PLA2G4E: variants seen among roughly 807,000 people sequenced by gnomAD.
PLA2G4E encodes the protein cytosolic phospholipase A2 epsilon.
Under a neutral mutation model 109.1 loss-of-function variants are expected in PLA2G4E, and 84 were observed. The observed-to-expected ratio is 0.77, with a 90% confidence interval of 0.65 to 0.92. The LOEUF (loss-of-function observed/expected upper bound fraction) is 0.92, where lower values mean the gene tolerates loss of function less well. Among genes scored for constraint, PLA2G4E ranks in the 40% least tolerant of loss-of-function variants. The probability of loss-of-function intolerance (pLI) is 0.00; values close to 1 mark genes in which losing one functional copy is unlikely to be tolerated. For synonymous variants in PLA2G4E, 469 were observed against 436.1 expected (o/e 1.08, Z -0.94); for missense variants, 1,057 against 1,076.6 (o/e 0.98, Z 0.25).
intron 13 of PLA2G4E, 82 bp from the exon 14 acceptor site, chr15:41,990,317 C>G: frequency 8.0e-7 from 1 of 1,249,100 alleles, no homozygotes; most frequent in South Asian, 1.3e-5. Flanking sequence ...ACAATCTGGA[C>G]CCCCGCAGCC....
chr15:42,002,615 G>T, intron 6 of PLA2G4E, 39 bp downstream of exon 6: 2 of 1,552,344 alleles, frequency 1.3e-6, no homozygotes, highest in East Asian at 4.8e-5. Context: ...GCAGCCAGCC[G>T]TGGCCTCTGG....
chr15:41,985,946 G>T, exon 18 of PLA2G4E: 1 of 1,606,198 alleles, frequency 6.2e-7, no homozygotes, highest in Non-Finnish European at 8.5e-7. Context: ...GCAGTGTCCA[G>T]CAGGCACAGG....
At chr15:41,996,340 C>A (rs150620659) in intron 11 of PLA2G4E, among the ~76,000 whole-genome samples, 1,773 of 111,118 alleles carry the variant, frequency 0.016, 45 homozygotes, top group African/African-American at 0.066. Context: ...AGAGCAAGAC[C>A]CTGTCTCAAG....
chr15:42,018,820 A>C (rs2068621010), intron 1 of PLA2G4E, among the ~76,000 whole-genome samples: 1 of 152,182 alleles, frequency 6.6e-6, no homozygotes, highest in South Asian at 2.1e-4. Context: ...CATGTGGAAA[A>C]GAGGCAGCCC....
At chr15:41,995,265 C>T in intron 12 of PLA2G4E, 95 bp downstream of exon 12, 4 of 1,480,312 alleles carry the variant, frequency 2.7e-6, no homozygotes, top group Non-Finnish European at 3.7e-6. Flanking sequence ...GTCACTTTGT[C>T]TTTGGGTGGC....
chr15:42,025,261 G>A (rs1292213106), intron 1 of PLA2G4E, among the ~76,000 whole-genome samples: 4 of 152,016 alleles, frequency 2.6e-5, no homozygotes, highest in Admixed American at 2.6e-4. Flanking sequence ...CATGAAAGGT[G>A]ACTCGCCAGT....
chr15:42,034,490 G>C (rs1450021482), intron 1 of PLA2G4E, among the ~76,000 whole-genome samples: 1 of 152,158 alleles, frequency 6.6e-6, no homozygotes, highest in Non-Finnish European at 1.5e-5. Context: ...TGATAAGAAA[G>C]CACCGTTTTC....
intron 1 of PLA2G4E, among the ~76,000 whole-genome samples, chr15:42,017,561 C>T (rs1013977992): frequency 1.3e-5 from 2 of 152,262 alleles, no homozygotes; most frequent in Non-Finnish European, 2.9e-5. Context: ...ACAGGGCTCA[C>T]AGCTAGAATC....
intron 13 of PLA2G4E, among the ~76,000 whole-genome samples, chr15:41,991,675 C>T (rs561307106): frequency 6.6e-5 from 10 of 152,246 alleles, no homozygotes; most frequent in East Asian, 1.9e-4. Context: ...GATGAGGGTC[C>T]GGTCATTCTC....
chr15:42,011,993 C>T (rs1346950939), intron 2 of PLA2G4E, among the ~76,000 whole-genome samples: 4 of 152,196 alleles, frequency 2.6e-5, no homozygotes, highest in Non-Finnish European at 5.9e-5. Context: ...GAGGAAAAGT[C>T]CCTGGCCCTT....
At chr15:42,018,036 C>T (rs985909830) in intron 1 of PLA2G4E, among the ~76,000 whole-genome samples, 1 of 152,190 alleles carries the variant, frequency 6.6e-6, no homozygotes, top group Non-Finnish European at 1.5e-5. Flanking sequence ...GACATCCCAG[C>T]CGGATCATGC....
chr15:42,013,879 CT>C, intron 1 of PLA2G4E, 122 bp from the exon 2 acceptor site: 1 of 323,440 alleles, frequency 3.1e-6, no homozygotes, highest in East Asian at 6.1e-5. Context: ...AACCCCTAGG[CT>C]GGTTTTTTTT....
Position 42,010,131 on chromosome 15 carries a change from G to GC in PLA2G4E, c.257-2267_257-2266insG, listed in dbSNP as rs758613773. The GC allele has an allele frequency of 4.8e-4, 212 of 440,728 alleles. 7 individuals carry two copies. The African/African-American group carries it at 5.9e-3, about 12-fold the overall frequency. 27.3% of individuals were successfully genotyped at this position (440,728 alleles called of 1,614,324 possible). ...CTTCCCTTGGCTTTTCCAGAACACTGGCCCCCCCACCCCGGGCCTGGACCA... is the reference window on the plus strand; with the variant it reads ...CTTCCCTTGGCTTTTCCAGAACACTGCGCCCCCCCACCCCGGGCCTGGACCA... On this transcript the variant is annotated intron_variant, in intron 2 of 19. Coordinates refer to ENST00000399518, the Ensembl canonical transcript of PLA2G4E.
rs527569129 is a variant in PLA2G4E, at chr15:42,021,528, A to G, written c.184-7771T>C. Among the ~76,000 whole-genome samples the G allele has an allele frequency of 5.3e-5, 8 of 151,826 alleles. No homozygotes were observed. The South Asian group carries it at 1.7e-3, about 32-fold the overall frequency. ...CCTGGCCACAACTCCCAAAGAGACCAGGGTCAGTGCTCCCAAAGCTAGAGG... is the reference window on the plus strand; with the variant it reads ...CCTGGCCACAACTCCCAAAGAGACCGGGGTCAGTGCTCCCAAAGCTAGAGG... On this transcript the variant is annotated intron_variant, in intron 1 of 19. Transcript: ENST00000399518.
chr15:41,982,217 C>T (rs2068076752), exon 20 of PLA2G4E: 1 of 152,214 alleles, frequency 6.6e-6, no homozygotes, highest in African/African-American at 2.4e-5. Context: ...GCTGGGTTTC[C>T]TGCAGACCTC....
In PLA2G4E at chr15:42,038,163, T is replaced by C. The variant is rs148673489; in HGVS notation, c.183+12358A>G. Among the ~76,000 whole-genome samples the C allele has an allele frequency of 5.5e-3, 839 of 152,350 alleles. 7 individuals are homozygous for C. Among genetic ancestry groups the C allele is most frequent in the Middle Eastern group, 0.02 (6 of 294 alleles). ...GAAATAAGAGATACTTTTTAAAAAC[T>C]TATAATGTGTAATATTCTGATGTGT... On this transcript the variant is annotated intron_variant, in intron 1 of 19. Transcript: ENST00000399518.
chr15:42,007,475 C>T (rs1248916804), intron 3 of PLA2G4E, among the ~76,000 whole-genome samples: 1 of 152,014 alleles, frequency 6.6e-6, no homozygotes, highest in African/African-American at 2.4e-5. Flanking sequence ...TAAGAGACAC[C>T]TAGTTTCAGC....
chr15:42,008,886 G>T (rs1052742466), intron 2 of PLA2G4E: 1 of 152,242 alleles, frequency 6.6e-6, no homozygotes, highest in African/African-American at 2.4e-5. Flanking sequence ...ACACTGGTAG[G>T]ACTGATTCAA....
intron 1 of PLA2G4E, among the ~76,000 whole-genome samples, chr15:42,016,552 G>C (rs1481439035): frequency 1.3e-5 from 2 of 152,026 alleles, no homozygotes; most frequent in African/African-American, 2.4e-5. Context: ...GGCCAGGCTG[G>C]TCTCAAACTC....
Sources: allele counts gnomAD v4.1 joint callset (sites outside exome capture counted in the v4.1 genomes callset), GRCh38; gene constraint gnomAD v4.1.1; transcripts MANE v1.5; gene names NCBI Gene and HGNC (gene_info 2026-07-23, HGNC 2026-07-21).